The following LRRC7 variants were observed in gnomAD, a reference collection of about 807,000 sequenced individuals.
The protein encoded by LRRC7 is leucine-rich repeat-containing protein 7.
LRRC7 carries 23 observed loss-of-function variants against 175.7 expected under a neutral mutation model. The ratio of observed to expected loss-of-function variants is 0.13; its 90% CI spans 0.09 to 0.19. LRRC7 has a LOEUF of 0.19. LRRC7 is among the 10% of genes least tolerant of loss of function. The probability of loss-of-function intolerance (pLI) is 1.00; values close to 1 mark genes in which losing one functional copy is unlikely to be tolerated. For missense variants in LRRC7, 1,354 were observed against 1,904.7 expected, an observed-to-expected ratio of 0.71 and a Z score of 5.38; for synonymous variants, 685 against 680.9, an observed-to-expected ratio of 1.01 and a Z score of -0.09.
intron 2 of LRRC7, among the ~76,000 whole-genome samples, chr1:69,722,220 A>G (rs1330045387): frequency 6.6e-6 from 1 of 151,996 alleles, no homozygotes; most frequent in African/African-American, 2.4e-5. Context: ...TACTTAATAG[A>G]AAATACTAGA....
chr1:69,683,898 C>A (rs894712573), intron 2 of LRRC7, among the ~76,000 whole-genome samples: 2 of 151,818 alleles, frequency 1.3e-5, no homozygotes, highest in African/African-American at 4.8e-5. Context: ...TGGAAGCACT[C>A]CATGAATACA....
intron 2 of LRRC7, among the ~76,000 whole-genome samples, chr1:69,696,056 C>T (rs1448224862): frequency 1.3e-5 from 2 of 152,210 alleles, no homozygotes. Context: ...GCCCTCCAGA[C>T]CCCTGAATGT....
At chr1:69,871,696 T>G (rs908425517) in intron 7 of LRRC7, among the ~76,000 whole-genome samples, 1 of 152,020 alleles carries the variant, frequency 6.6e-6, no homozygotes, top group Non-Finnish European at 1.5e-5. Context: ...AACACCTCTT[T>G]TAAATGACTA....
intron 23 of LRRC7, among the ~76,000 whole-genome samples, chr1:70,059,474 AGTGTGT>A (rs10542055): frequency 0.073 from 9,587 of 132,098 alleles, 458 homozygotes; most frequent in African/African-American, 0.15. Flanking sequence ...ACTAGAAGAA[AGTGTGT>A]GTGTGTGTGT....
intron 7 of LRRC7, among the ~76,000 whole-genome samples, chr1:69,892,152 G>A (rs1645854887): frequency 6.6e-6 from 1 of 152,120 alleles, no homozygotes; most frequent in Admixed American, 6.5e-5. Flanking sequence ...TCGTAAAAGG[G>A]GAGCAGTTAT....
At chr1:69,835,243 A>C (rs985487720) in intron 6 of LRRC7, among the ~76,000 whole-genome samples, 1 of 151,918 alleles carries the variant, frequency 6.6e-6, no homozygotes, top group East Asian at 1.9e-4. Flanking sequence ...GATGACCTAA[A>C]TACTTTTAAC....
At chr1:70,015,534 G>C (rs1206023212) in intron 13 of LRRC7, among the ~76,000 whole-genome samples, 1 of 152,224 alleles carries the variant, frequency 6.6e-6, no homozygotes, top group East Asian at 1.9e-4. Context: ...CCAGAAGTTA[G>C]TAATAAGTCT....
chr1:69,770,316 T>C (rs1422929683), intron 3 of LRRC7, among the ~76,000 whole-genome samples: 2 of 152,224 alleles, frequency 1.3e-5, no homozygotes, highest in Admixed American at 1.3e-4. Context: ...CTGATATTTG[T>C]AACTTAAGAT....
chr1:69,988,823 G>C (rs1654172254), intron 10 of LRRC7, among the ~76,000 whole-genome samples: 1 of 152,148 alleles, frequency 6.6e-6, no homozygotes, highest in African/African-American at 2.4e-5. Context: ...AAACCTGGGG[G>C]TCAGGTGGAG....
intron 2 of LRRC7, among the ~76,000 whole-genome samples, chr1:69,688,941 C>G (rs1038326580): frequency 6.6e-6 from 1 of 152,164 alleles, no homozygotes; most frequent in Non-Finnish European, 1.5e-5. Context: ...ACATACTCAA[C>G]TATCCCAAAA....
intron 1 of LRRC7, among the ~76,000 whole-genome samples, chr1:69,651,638 T>C (rs1056751484): frequency 6.6e-6 from 1 of 152,148 alleles, no homozygotes; most frequent in African/African-American, 2.4e-5. Context: ...AATTAAAAAG[T>C]TGCAGTATCC....
intron 1 of LRRC7, among the ~76,000 whole-genome samples, chr1:69,620,610 A>G (rs1156280710): frequency 6.6e-6 from 1 of 152,194 alleles, no homozygotes; most frequent in Non-Finnish European, 1.5e-5. Context: ...CAGAAATAAG[A>G]GAAGAATACT....
chr1:69,952,420 C>T (rs144241533), intron 8 of LRRC7, among the ~76,000 whole-genome samples: 111 of 152,142 alleles, frequency 7.3e-4, no homozygotes, highest in African/African-American at 2.6e-3. Context: ...TAACAATTCT[C>T]TTCCACAGCC....
chr1:70,060,381 A>G (rs1661486838), intron 23 of LRRC7, among the ~76,000 whole-genome samples: 1 of 152,136 alleles, frequency 6.6e-6, no homozygotes, highest in Admixed American at 6.6e-5. Context: ...ATTTATTGAA[A>G]TTGTTTTCCA....
At chr1:70,066,745 T>C (rs924783498) in intron 23 of LRRC7, among the ~76,000 whole-genome samples, 2 of 152,060 alleles carry the variant, frequency 1.3e-5, no homozygotes, top group African/African-American at 4.8e-5. Context: ...GGGATGAATG[T>C]CCAGGAATAC....
At chr1:69,964,205 G>A (rs887052352) in intron 8 of LRRC7, among the ~76,000 whole-genome samples, 1 of 152,176 alleles carries the variant, frequency 6.6e-6, no homozygotes, top group African/African-American at 2.4e-5. Flanking sequence ...AGAGATAGTA[G>A]CTAATGTCCA....
intron 1 of LRRC7, among the ~76,000 whole-genome samples, chr1:69,617,755 G>A (rs962960303): frequency 6.6e-5 from 10 of 151,858 alleles, no homozygotes; most frequent in African/African-American, 2.4e-4. Context: ...CACATAGGGT[G>A]TACTCACTCC....
chr1:69,786,814 C>G (rs1161652617), intron 3 of LRRC7, among the ~76,000 whole-genome samples: 1 of 152,178 alleles, frequency 6.6e-6, no homozygotes, highest in East Asian at 1.9e-4. Context: ...GGTGGGGATA[C>G]AGCCAAACCA....
intron 25 of LRRC7, among the ~76,000 whole-genome samples, chr1:70,099,855 A>T (rs1383137627): frequency 6.6e-6 from 1 of 152,146 alleles, no homozygotes; most frequent in Non-Finnish European, 1.5e-5. Flanking sequence ...AATATTCACC[A>T]CAAGTTGGGG....
Sources: allele counts gnomAD v4.1 joint callset (sites outside exome capture counted in the v4.1 genomes callset), GRCh38; gene constraint gnomAD v4.1.1; transcripts MANE v1.5; gene names NCBI Gene and HGNC (gene_info 2026-07-23, HGNC 2026-07-21).